ADGRL2: variants seen among roughly 807,000 people sequenced by gnomAD.
ADGRL2 encodes adhesion G protein-coupled receptor L2.
Under a neutral mutation model 157.4 loss-of-function variants are expected in ADGRL2, and 44 were observed. The observed-to-expected ratio is 0.28, with a 90% CI of 0.22 to 0.36. The LOEUF is 0.36. Among genes scored for constraint, ADGRL2 ranks in the 10% least tolerant of loss-of-function variants. The pLI is 1.00. For synonymous variants in ADGRL2, 585 were observed against 624.7 expected, an observed-to-expected ratio of 0.94 and a Z score of 0.95; for missense variants, 1,510 against 1,768.9, an observed-to-expected ratio of 0.85 and a Z score of 2.63.
chr1:81,569,337 C>T (rs994110546), intron 2 of ADGRL2, among the ~76,000 whole-genome samples: 7 of 151,998 alleles, frequency 4.6e-5, no homozygotes, highest in African/African-American at 1.2e-4. Context: ...GTGGTAGATC[C>T]GGGGTTCAAA....
At chr1:81,815,613 A>T (rs1339218268) in intron 1 of ADGRL2, among the ~76,000 whole-genome samples, 1 of 151,806 alleles carries the variant, frequency 6.6e-6, no homozygotes, top group East Asian at 1.9e-4. Context: ...ACTGCTTAAA[A>T]TATTTTATAG....
intron 2 of ADGRL2, among the ~76,000 whole-genome samples, chr1:81,466,904 T>C (rs12406075): frequency 0.15 from 23,457 of 152,110 alleles, 1,855 homozygotes; most frequent in East Asian, 0.25. Flanking sequence ...CCTGTTCTTA[T>C]AAACTGAAGA....
At chr1:81,931,874 TC>T (rs2095237631) in intron 3 of ADGRL2, among the ~76,000 whole-genome samples, 2 of 152,112 alleles carry the variant, frequency 1.3e-5, no homozygotes, top group Non-Finnish European at 2.9e-5. Context: ...GCTCAAGAGA[TC>T]CTCCTCCCTT....
At position 81,438,340 on chromosome 1, in the gene ADGRL2, T is replaced by C. The variant is rs117315623; in HGVS notation, c.-301-6696T>C. On this transcript the variant is annotated intron_variant, in intron 1 of 24. Transcript: ENST00000370721. The stretch of plus-strand genomic sequence containing the variant: ...ATAAATAAATTGCATAAATTTAGAA[T>C]TAAATAATTAAACTTAAAACAAAGG... Among the ~76,000 whole-genome samples the C allele has an allele frequency of 8.3e-3, 1,270 of 152,196 alleles. 20 individuals carry two copies. The highest frequency in any genetic ancestry group is 0.04 in the East Asian group (208 of 5,188).
At chr1:81,939,157 C>T (rs926725907) in intron 4 of ADGRL2, among the ~76,000 whole-genome samples, 6 of 151,478 alleles carry the variant, frequency 4.0e-5, no homozygotes, top group Admixed American at 4.0e-4. Flanking sequence ...AAGAAATTTG[C>T]TCAACAGAGA....
At chr1:81,553,053 A>G (rs1432961882) in intron 2 of ADGRL2, among the ~76,000 whole-genome samples, 1 of 152,166 alleles carries the variant, frequency 6.6e-6, no homozygotes, top group Non-Finnish European at 1.5e-5. Flanking sequence ...CTTTTTCAAA[A>G]TATGTTAGTG....
At chr1:81,797,437 G>A (rs530214359), upstream of ADGRL2, among the ~76,000 whole-genome samples, 75 of 152,198 alleles carry the variant, frequency 4.9e-4, no homozygotes, top group African/African-American at 1.7e-3. Flanking sequence ...CTTAATGGCA[G>A]TTTTTGGCCT....
In ADGRL2 at chr1:81,329,965, CTGA is replaced by C. The variant is rs1661162519; in HGVS notation, c.-302+23461_-302+23463del. ...TTTACTTCTTTTGCTTTGCACATTT[CTGA>C]TGATCAGATTTTAATTTGAGTAAAG... On this transcript the variant is annotated intron_variant, in intron 1 of 24. Coordinates refer to the ADGRL2 transcript ENST00000370721. Among the ~76,000 whole-genome samples the C allele has an allele frequency of 2.0e-5, 3 of 152,072 alleles. No individual in the cohort carries two copies. In the South Asian group the frequency reaches 6.2e-4, roughly 31 times the overall value.
At chr1:81,473,219 G>A (rs1488853829) in intron 2 of ADGRL2, among the ~76,000 whole-genome samples, 1 of 152,134 alleles carries the variant, frequency 6.6e-6, no homozygotes, top group Non-Finnish European at 1.5e-5. Context: ...ATTGACTTTT[G>A]CGATTGTCTC....
intron 1 of ADGRL2, among the ~76,000 whole-genome samples, chr1:81,320,834 A>G (rs1660453631): frequency 1.3e-5 from 2 of 152,166 alleles, no homozygotes; most frequent in Admixed American, 1.3e-4. Context: ...ATGTTTTCAG[A>G]GTGGTAAATG....
chr1:81,500,019 A>T (rs771486240), intron 2 of ADGRL2, among the ~76,000 whole-genome samples: 25 of 152,232 alleles, frequency 1.6e-4, no homozygotes, highest in Non-Finnish European at 3.7e-4. Flanking sequence ...AAAGAAAAAG[A>T]TTCTTAACTC....
chr1:81,565,056 C>T (rs183651678), intron 2 of ADGRL2, among the ~76,000 whole-genome samples: 7 of 152,248 alleles, frequency 4.6e-5, no homozygotes, highest in Admixed American at 2.0e-4. Context: ...ATATAAATAA[C>T]TATTTTTATA....
intron 1 of ADGRL2, among the ~76,000 whole-genome samples, chr1:81,374,241 C>T (rs893340864): frequency 1.3e-5 from 2 of 152,260 alleles, no homozygotes; most frequent in African/African-American, 4.8e-5. Context: ...CCCAACGTGA[C>T]ACAATAAGTG....
intron 1 of ADGRL2, among the ~76,000 whole-genome samples, chr1:81,421,496 T>C (rs1174391822): frequency 6.6e-6 from 1 of 152,240 alleles, no homozygotes. Context: ...AGATTTATAG[T>C]AGAATACTCA....
intron 2 of ADGRL2, among the ~76,000 whole-genome samples, chr1:81,511,071 AT>A (rs2079066562): frequency 6.6e-6 from 1 of 152,138 alleles, no homozygotes; most frequent in Non-Finnish European, 1.5e-5. Context: ...CTTGGAGGAA[AT>A]TTTTTATTAA....
chr1:81,366,304 A>G (rs1346985340), intron 1 of ADGRL2, among the ~76,000 whole-genome samples: 3 of 152,140 alleles, frequency 2.0e-5, no homozygotes, highest in Admixed American at 1.3e-4. Context: ...AGAAAAAAAA[A>G]AAAGTAATTC....
At chr1:81,773,639 T>C (rs942851612) in intron 2 of ADGRL2, among the ~76,000 whole-genome samples, 1 of 152,224 alleles carries the variant, frequency 6.6e-6, no homozygotes, top group Non-Finnish European at 1.5e-5. Flanking sequence ...TCCAATTACT[T>C]TCTTCTTGAG....
intron 17 of ADGRL2, among the ~76,000 whole-genome samples, chr1:81,979,408 G>A (rs1395831571): frequency 6.6e-6 from 1 of 151,684 alleles, no homozygotes; most frequent in Non-Finnish European, 1.5e-5. Flanking sequence ...ATTGCCTTAT[G>A]AATAGATTGG....
At chr1:81,520,066 A>T (rs1207471264) in intron 2 of ADGRL2, among the ~76,000 whole-genome samples, 1 of 152,026 alleles carries the variant, frequency 6.6e-6, no homozygotes, top group African/African-American at 2.4e-5. Flanking sequence ...AGAGTAGATG[A>T]TGCTGGAGGC....
Sources: allele counts gnomAD v4.1 joint callset (sites outside exome capture counted in the v4.1 genomes callset), GRCh38; gene constraint gnomAD v4.1.1; transcripts MANE v1.5; gene names NCBI Gene and HGNC (gene_info 2026-07-23, HGNC 2026-07-21).